TCEANC2: variants seen among roughly 807,000 people sequenced by gnomAD.
The protein encoded by TCEANC2 is transcription elongation factor A N-terminal and central domain-containing protein 2.
TCEANC2 carries 20 observed loss-of-function variants against 22.8 expected under a neutral mutation model. The ratio of observed to expected loss-of-function variants is 0.88; its 90% CI spans 0.62 to 1.28. The LOEUF is 1.28. TCEANC2 is among the 50% of genes most tolerant of loss of function. The pLI is 0.00. For missense variants in TCEANC2, 251 were observed against 249.7 expected (o/e 1.01, Z -0.03); for synonymous variants, 84 against 95.5 (o/e 0.88, Z 0.70).
rs12095741 is a variant in TCEANC2 at position 54,099,977 on chromosome 1, A to G, written c.*3504A>G. The G allele has an allele frequency of 0.099, 14,895 of 151,192 alleles. 1,721 individuals carry two copies. The highest frequency in any genetic ancestry group is 0.29 in the African/African-American group (11,795 of 41,200). 9.4% of individuals were successfully genotyped at this position (151,192 alleles called of 1,614,324 possible). A position where few individuals can be genotyped will look rare whatever the true frequency, so the allele number is the denominator to read the frequency against. On this transcript the variant is annotated 3_prime_UTR_variant, in exon 5 of 5. Transcript: ENST00000234827. ...GTCCTGGTTGGGCATGGTAGCTCACACCTATAATCCCAGCACTTTGGGAGG... is the reference window on the plus strand; with the variant it reads ...GTCCTGGTTGGGCATGGTAGCTCACGCCTATAATCCCAGCACTTTGGGAGG...
At position 54,099,014 on chromosome 1, in the gene TCEANC2, T is replaced by A. The variant is rs1411461861; in HGVS notation, c.*2541T>A. ...CAGGAGAGGAAGGCAAGGACCAGGA[T>A]CAGGTTTGAAGGGTCTTGAGCATCA... On this transcript the variant is annotated 3_prime_UTR_variant, in exon 5 of 5. Coordinates refer to ENST00000234827, the MANE Select transcript of TCEANC2 (RefSeq NM_153035.3). 3 of 152,490 alleles carry A rather than the reference T, an allele frequency of 2.0e-5. No individual in the cohort carries two copies. The highest frequency in any genetic ancestry group is 7.2e-5 in the African/African-American group (3 of 41,380). The allele number at this position is 152,490 out of a possible 1,614,324, so 9.4% of individuals were successfully genotyped here.
rs1217352693 is a variant in TCEANC2, at chr1:54,104,581, A to C, written c.*8108A>C. The C allele has an allele frequency of 2.2e-6, 1 of 454,442 alleles. No homozygotes were observed. The highest frequency in any genetic ancestry group is 2.4e-5 in the Admixed American group (1 of 42,344). The allele number at this position is 454,442 out of a possible 1,614,324, so 28.2% of individuals were successfully genotyped here. On this transcript the variant is annotated 3_prime_UTR_variant, in exon 5 of 5. Coordinates refer to ENST00000234827, the MANE Select transcript of TCEANC2 (RefSeq NM_153035.3). Reference sequence around the variant, plus strand: ...CTTTTTCAGAGGTGGAGTCTCTGTCACCCAGGCTGGAGTGCAGTGGCACCA... The same window carrying C: ...CTTTTTCAGAGGTGGAGTCTCTGTCCCCCAGGCTGGAGTGCAGTGGCACCA...
chr1:54,069,472 G>T (rs943513260), intron 3 of TCEANC2, among the ~76,000 whole-genome samples: 35 of 152,080 alleles, frequency 2.3e-4, no homozygotes, highest in African/African-American at 8.0e-4. Flanking sequence ...GCCAGACATG[G>T]TGGTCCGTGC....
chr1:54,089,933 C>T, intron 4 of TCEANC2: 2 of 761,910 alleles, frequency 2.6e-6, no homozygotes, highest in Non-Finnish European at 4.6e-6. Flanking sequence ...GGCAGAGCCA[C>T]CGGAAACGTA....
At chr1:54,078,839 G>A (rs767054630) in intron 3 of TCEANC2, among the ~76,000 whole-genome samples, 1 of 152,184 alleles carries the variant, frequency 6.6e-6, no homozygotes, top group Non-Finnish European at 1.5e-5. Flanking sequence ...AGAGACTAAG[G>A]AAGTGTGGTT....
At chr1:54,068,620 C>A in intron 2 of TCEANC2, 136 bp from the exon 3 acceptor site, 1 of 783,694 alleles carries the variant, frequency 1.3e-6, no homozygotes, top group Non-Finnish European at 1.9e-6. Context: ...CATTTGGGGC[C>A]ATCAGATGCA....
intron 3 of TCEANC2, among the ~76,000 whole-genome samples, chr1:54,083,920 C>G (rs1376838433): frequency 6.6e-6 from 1 of 152,170 alleles, no homozygotes; most frequent in Non-Finnish European, 1.5e-5. Context: ...TTGACTCACA[C>G]TATGTGTGCT....
Position 54,105,940 on chromosome 1 carries a change from A to G in TCEANC2, c.*9467A>G, listed in dbSNP as rs1285527756. ...GGCCAGCAAACTTTTTTAAAGGAAC[A>G]GATAGTAAATATTTTAAGCTTTGTG... On this transcript the variant is annotated 3_prime_UTR_variant, in exon 5 of 5. Coordinates refer to ENST00000234827, the MANE Select transcript of TCEANC2 (RefSeq NM_153035.3). 4 of 152,200 alleles carry G rather than the reference A, an allele frequency of 2.6e-5. No individual in the cohort carries two copies. The highest frequency in any genetic ancestry group is 9.7e-5 in the African/African-American group (4 of 41,442). 9.4% of individuals were successfully genotyped at this position (152,200 alleles called of 1,614,324 possible). A position where few individuals can be genotyped will look rare whatever the true frequency, so the allele number is the denominator to read the frequency against.
intron 3 of TCEANC2, among the ~76,000 whole-genome samples, chr1:54,083,736 A>G (rs1401503806): frequency 6.6e-6 from 1 of 152,196 alleles, no homozygotes; most frequent in East Asian, 1.9e-4. Context: ...GTTTGTTGAC[A>G]TGTTGAGCCA....
rs916202621 is a variant in TCEANC2, at chr1:54,104,346, C to T, written c.*7873C>T. 1.7e-5 allele frequency: 4 copies of T among 231,660 alleles called. No homozygotes were observed. The highest frequency in any genetic ancestry group is 2.7e-5 in the Non-Finnish European group (3 of 110,910). 14.4% of individuals were successfully genotyped at this position (231,660 alleles called of 1,614,324 possible). A position where few individuals can be genotyped will look rare whatever the true frequency, so the allele number is the denominator to read the frequency against. On this transcript the variant is annotated 3_prime_UTR_variant, in exon 5 of 5. Coordinates refer to ENST00000234827, the MANE Select transcript of TCEANC2 (RefSeq NM_153035.3). ...CATCAAGATTACTATGAACTATTAG[C>T]TGTGACTGCACCCGGGCACTTGAGC...
intron 4 of TCEANC2, among the ~76,000 whole-genome samples, chr1:54,095,311 A>T (rs1035105615): frequency 6.6e-6 from 1 of 152,036 alleles, no homozygotes; most frequent in African/African-American, 2.4e-5. Flanking sequence ...TTCCGTAGGG[A>T]AAGGTGTGCC....
intron 3 of TCEANC2, among the ~76,000 whole-genome samples, chr1:54,069,681 T>C (rs1368254089): frequency 6.6e-6 from 1 of 151,906 alleles, no homozygotes; most frequent in East Asian, 1.9e-4. Flanking sequence ...TGAAATATTG[T>C]AGGTGTAAAT....
Position 54,054,296 on chromosome 1 carries a change from A to G in TCEANC2, c.-42-85A>G, listed in dbSNP as rs1209016398. ...GGCCCCATAATTCATGAATTCTTCC[A>G]GAGAACTCAATTGTGTTACTTTGGG... On this transcript the variant is annotated intron_variant, in intron 1 of 4. Coordinates refer to ENST00000234827, the MANE Select transcript of TCEANC2 (RefSeq NM_153035.3). 4.1e-6 allele frequency: 6 copies of G among 1,479,326 alleles called. No homozygotes were observed. The East Asian group carries it at 1.3e-4, about 31-fold the overall frequency. The allele number at this position is 1,479,326 out of a possible 1,614,324, so 91.6% of individuals were successfully genotyped here. A position where few individuals can be genotyped will look rare whatever the true frequency, so the allele number is the denominator to read the frequency against.
chr1:54,094,998 C>T (rs536751095), intron 4 of TCEANC2, among the ~76,000 whole-genome samples: 2 of 151,870 alleles, frequency 1.3e-5, no homozygotes, highest in South Asian at 2.1e-4. Flanking sequence ...TTTTAATTAG[C>T]GGAGCATGGT....
intron 3 of TCEANC2, among the ~76,000 whole-genome samples, chr1:54,078,833 A>G (rs761708939): frequency 7.9e-5 from 12 of 152,160 alleles, no homozygotes; most frequent in Admixed American, 5.2e-4. Context: ...AGATAAAGAG[A>G]CTAAGGAAGT....
At chr1:54,069,113 C>A (rs991433057) in intron 3 of TCEANC2, among the ~76,000 whole-genome samples, 1 of 152,108 alleles carries the variant, frequency 6.6e-6, no homozygotes, top group African/African-American at 2.4e-5. Flanking sequence ...ATACAAAATA[C>A]AAGCCCCAGT....
downstream of TCEANC2, among the ~76,000 whole-genome samples, chr1:54,110,079 G>T (rs1466040697): frequency 6.6e-6 from 1 of 152,162 alleles, no homozygotes; most frequent in Non-Finnish European, 1.5e-5. Flanking sequence ...CCAACCACCA[G>T]GTAGTGAACT....
intron 3 of TCEANC2, among the ~76,000 whole-genome samples, chr1:54,074,594 C>T (rs1557689617): frequency 1.3e-5 from 2 of 151,994 alleles, no homozygotes; most frequent in African/African-American, 2.4e-5. Context: ...AAGGTACGAC[C>T]AGAGAAGCAG....
At chr1:54,077,246 G>C (rs1023094) in intron 3 of TCEANC2, among the ~76,000 whole-genome samples, 23,057 of 152,112 alleles carry the variant, frequency 0.15, 2,388 homozygotes, top group African/African-American at 0.29. Context: ...TCTGCTTTCA[G>C]ACAAGCACAA....
Sources: allele counts gnomAD v4.1 joint callset (sites outside exome capture counted in the v4.1 genomes callset), GRCh38; gene constraint gnomAD v4.1.1; transcripts MANE v1.5; gene names NCBI Gene and HGNC (gene_info 2026-07-23, HGNC 2026-07-21).